Variants in GUCY1A2 observed in about 807,000 individuals in gnomAD.
GUCY1A2 encodes the protein guanylate cyclase soluble subunit alpha-2.
In GUCY1A2, 27 loss-of-function variants were observed where a neutral mutation model predicts 63.5. The observed-to-expected ratio is 0.43, with a 90% confidence interval of 0.31 to 0.59. The LOEUF is 0.59. Among genes scored for constraint, GUCY1A2 ranks in the 20% least tolerant of loss-of-function variants. The pLI, the probability that GUCY1A2 is intolerant of heterozygous loss-of-function variation, is 0.11. For missense variants in GUCY1A2, 768 were observed against 913.3 expected, an observed-to-expected ratio of 0.84 and a Z score of 2.05; for synonymous variants, 364 against 343.5, an observed-to-expected ratio of 1.06 and a Z score of -0.66.
intron 4 of GUCY1A2, among the ~76,000 whole-genome samples, chr11:106,877,941 CCAAA>C (rs1859772681): frequency 6.6e-6 from 1 of 150,818 alleles, no homozygotes; most frequent in South Asian, 2.1e-4. Flanking sequence ...AAAGAAAAAC[CCAAA>C]CAAACCCATT....
At chr11:106,950,703 T>C (rs1860894801) in intron 3 of GUCY1A2, among the ~76,000 whole-genome samples, 2 of 152,204 alleles carry the variant, frequency 1.3e-5, no homozygotes, top group South Asian at 2.1e-4. Flanking sequence ...GATTTCCACA[T>C]GGACCGATCC....
intron 1 of GUCY1A2, among the ~76,000 whole-genome samples, chr11:107,012,948 T>TC (rs1861768563): frequency 6.6e-6 from 1 of 152,222 alleles, no homozygotes; most frequent in Non-Finnish European, 1.5e-5. Context: ...AGGTTTTTTT[T>TC]CAAGGTTTAT....
At chr11:106,764,545 A>T (rs1864124735) in intron 6 of GUCY1A2, among the ~76,000 whole-genome samples, 3 of 152,268 alleles carry the variant, frequency 2.0e-5, no homozygotes, top group African/African-American at 7.2e-5. Context: ...TGTAATAATT[A>T]TGTATATACA....
chr11:106,716,365 G>A (rs886676591), intron 6 of GUCY1A2, among the ~76,000 whole-genome samples: 2 of 152,166 alleles, frequency 1.3e-5, no homozygotes, highest in Non-Finnish European at 2.9e-5. Context: ...GATGCCAGTT[G>A]TAAACAGAAG....
At chr11:106,859,080 T>C (rs1859474258) in intron 4 of GUCY1A2, among the ~76,000 whole-genome samples, 1 of 152,052 alleles carries the variant, frequency 6.6e-6, no homozygotes, top group Non-Finnish European at 1.5e-5. Context: ...TGTAGTTCAT[T>C]GTTACAATAA....
At chr11:106,800,369 C>T (rs1048318468) in intron 5 of GUCY1A2, among the ~76,000 whole-genome samples, 2 of 152,120 alleles carry the variant, frequency 1.3e-5, no homozygotes, top group Non-Finnish European at 2.9e-5. Flanking sequence ...ACCATTTGAC[C>T]CAGCCATCCC....
intron 6 of GUCY1A2, among the ~76,000 whole-genome samples, chr11:106,709,301 TTATATTTATA>T (rs1400219509): frequency 6.2e-5 from 6 of 96,262 alleles, no homozygotes; most frequent in Admixed American, 3.2e-4. Context: ...ATTTATATTT[TTATATTTATA>T]TATATTTATA....
chr11:106,910,414 G>A (rs1860277451), intron 4 of GUCY1A2, among the ~76,000 whole-genome samples: 1 of 151,852 alleles, frequency 6.6e-6, no homozygotes, highest in South Asian at 2.1e-4. Context: ...GCAGCTCTAG[G>A]AACATTTTTT....
intron 4 of GUCY1A2, among the ~76,000 whole-genome samples, chr11:106,812,259 C>T (rs187309187): frequency 1.0e-3 from 152 of 151,968 alleles, no homozygotes; most frequent in Non-Finnish European, 1.2e-3. Context: ...GCAATGATAA[C>T]ATCTGATACT....
chr11:106,824,789 T>A (rs199545274), intron 4 of GUCY1A2: 280 of 383,440 alleles, frequency 7.3e-4, no homozygotes, highest in Non-Finnish European at 9.5e-4. Context: ...TGCTTTGTTA[T>A]TTTTTTTTTT....
chr11:106,839,189 C>T (rs915688191), intron 4 of GUCY1A2, among the ~76,000 whole-genome samples: 66 of 152,170 alleles, frequency 4.3e-4, no homozygotes, highest in African/African-American at 1.5e-3. Context: ...CAGCTTTCTA[C>T]ATATGGCTAG....
At chr11:106,932,422 T>C (rs1180560377) in intron 4 of GUCY1A2, among the ~76,000 whole-genome samples, 2 of 152,092 alleles carry the variant, frequency 1.3e-5, no homozygotes, top group African/African-American at 4.8e-5. Context: ...ATTTTAACCT[T>C]ATACTAATTT....
chr11:106,991,942 T>C (rs532874733), intron 1 of GUCY1A2, among the ~76,000 whole-genome samples: 2 of 152,192 alleles, frequency 1.3e-5, no homozygotes, highest in Non-Finnish European at 2.9e-5. Context: ...GATTTTCACA[T>C]CACCACATGA....
intron 4 of GUCY1A2, among the ~76,000 whole-genome samples, chr11:106,938,299 AATC>A (rs1353958572): frequency 2.6e-5 from 4 of 152,192 alleles, no homozygotes; most frequent in Admixed American, 6.5e-5. Flanking sequence ...AAATTATAAA[AATC>A]ATCAATCATG....
At chr11:106,800,122 C>A (rs1236441494) in intron 5 of GUCY1A2, among the ~76,000 whole-genome samples, 9 of 152,250 alleles carry the variant, frequency 5.9e-5, no homozygotes, top group African/African-American at 1.4e-4. Context: ...ATGCAGCCAA[C>A]AGACACATGA....
chr11:106,907,487 G>C (rs1214191973), intron 4 of GUCY1A2, among the ~76,000 whole-genome samples: 1 of 151,976 alleles, frequency 6.6e-6, no homozygotes, highest in Non-Finnish European at 1.5e-5. Context: ...CATGTGCCAT[G>C]CTGGTGTGCT....
intron 6 of GUCY1A2, chr11:106,746,666 C>G (rs1863793367): frequency 7.4e-7 from 1 of 1,356,436 alleles, no homozygotes; most frequent in African/African-American, 1.4e-5. Flanking sequence ...CACCGAGACA[C>G]CAAGTGAATC....
In GUCY1A2 at chr11:106,978,671, T is replaced by C. The variant is rs34381454; in HGVS notation, c.435A>G (p.Lys145=). ...NRCSYADHSN[K]EEIEDVSGIL... ...TTCCTGAGACATCTTCAATTTCTTCTTTGTTGGAGTGGTCTGCATAGGAGC... is the reference window on the plus strand; with the variant it reads ...TTCCTGAGACATCTTCAATTTCTTCCTTGTTGGAGTGGTCTGCATAGGAGC... Residue 145 remains lysine, a synonymous_variant, in exon 3 of 8, where the codon AAA becomes AAG. Coordinates refer to ENST00000526355, the MANE Select transcript of GUCY1A2 (RefSeq NM_000855.3). The C allele has an allele frequency of 3.9e-3, 6,138 of 1,570,930 alleles. 210 individuals carry two copies. The African/African-American group carries it at 0.071, about 18-fold the overall frequency.
At chr11:106,747,022 C>T (rs912669496) in intron 6 of GUCY1A2, among the ~76,000 whole-genome samples, 1 of 152,194 alleles carries the variant, frequency 6.6e-6, no homozygotes, top group African/African-American at 2.4e-5. Context: ...GAGTCTCGCT[C>T]TGTCGCCCAC....
Sources: gnomAD v4.1 joint callset for allele counts (sites outside exome capture counted in the v4.1 genomes callset) on GRCh38, gnomAD v4.1.1 for gene constraint, MANE v1.5 for transcripts, NCBI Gene and HGNC (gene_info 2026-07-23, HGNC 2026-07-21) for gene names.